The following INTS6 variants were observed in gnomAD, a reference collection of about 807,000 sequenced individuals.
The protein encoded by INTS6 is integrator complex subunit 6.
INTS6 carries 16 observed loss-of-function variants against 104.9 expected under a neutral mutation model. The ratio of observed to expected loss-of-function variants is 0.15; its 90% CI spans 0.10 to 0.23. The LOEUF is 0.23. INTS6 is among the 10% of genes least tolerant of loss of function. INTS6 has a pLI of 1.00. For synonymous variants in INTS6, 324 were observed against 358.7 expected (o/e 0.90, Z 1.09); for missense variants, 584 against 1,062.8 (o/e 0.55, Z 6.26).
At chr13:51,396,405 C>T (rs957027546) in intron 4 of INTS6, among the ~76,000 whole-genome samples, 1 of 152,102 alleles carries the variant, frequency 6.6e-6, no homozygotes, top group African/African-American at 2.4e-5. Context: ...TTCCCTTACA[C>T]CTGCTAAGTT....
intron 3 of INTS6, chr13:51,439,571 A>G (rs1952754246): frequency 6.6e-6 from 1 of 152,242 alleles, no homozygotes; most frequent in Admixed American, 6.5e-5. Context: ...CACGACAAAT[A>G]AAAGGAATTA....
At chr13:51,355,226 A>AGAG (rs1955461929) in intron 3 of INTS6, 1 of 525,742 alleles carries the variant, frequency 1.9e-6, no homozygotes, top group Non-Finnish European at 3.3e-6. Context: ...TTCTCATTTC[A>AGAG]GAGTCAACAT....
Position 51,387,558 on chromosome 13 carries a change from A to G in INTS6, c.740-18T>C, listed in dbSNP as rs905199359. 6.3e-7 allele frequency: 1 copy of G among 1,596,696 alleles called. No individual in the cohort carries two copies. The highest frequency in any genetic ancestry group is 2.3e-5 in the East Asian group (1 of 44,288). ...CTGCCCATCTATAGCAAAGAAATTA[A>G]GACAAAGAAAGCATATATCATAAGG... On this transcript the variant is annotated intron_variant, in intron 6 of 17. Coordinates refer to ENST00000311234, the MANE Select transcript of INTS6 (RefSeq NM_012141.3).
chr13:51,336,148 G>C, the INTS6 span, among the ~76,000 whole-genome samples: 1 of 152,194 alleles, frequency 6.6e-6, no homozygotes, highest in Admixed American at 6.5e-5. Flanking sequence ...TTCAAGTCTA[G>C]AGATCTTTGT....
chr13:51,392,976 G>A (rs776139586), intron 5 of INTS6, among the ~76,000 whole-genome samples: 1 of 151,870 alleles, frequency 6.6e-6, no homozygotes, highest in Non-Finnish European at 1.5e-5. Flanking sequence ...TATTATTTTG[G>A]CAATACAGAT....
chr13:51,370,985 C>T (rs893701713), intron 15 of INTS6, among the ~76,000 whole-genome samples: 1 of 152,170 alleles, frequency 6.6e-6, no homozygotes. Context: ...TGCTATCAAG[C>T]ACATCTGCCA....
At position 51,451,167 on chromosome 13, in the gene INTS6, C is replaced by A; in HGVS notation, c.197G>T (p.Trp66Leu). 6.4e-7 allele frequency: 1 copy of A among 1,554,958 alleles called. No individual in the cohort carries two copies. Residue 66 changes from tryptophan (W) to leucine (L), a missense_variant, in exon 3 of 18, where the codon TGG becomes TTG. By Grantham distance (61) the Trp-to-Leu change is moderately conservative. This residue lies in a region of INTS6 where 70 missense variants were observed against 190.3 expected (regional missense o/e 0.37). Transcript: ENST00000311234. The part of the protein sequence containing the change: ...EEPPYAIKAG[W>L]KENHATFMNE... ...CATAAACGTTGCATGGTTTTCTTTC[C>A]ATCCAGCCTGAAAAGAAAAATGTAA...
At chr13:51,335,475 A>G in the INTS6 span, among the ~76,000 whole-genome samples, 1 of 152,242 alleles carries the variant, frequency 6.6e-6, no homozygotes, top group Non-Finnish European at 1.5e-5. Context: ...TTGAAAAATA[A>G]AAGTGATGGG....
In INTS6 at chr13:51,363,726, C is replaced by G. The variant is rs1049461089; in HGVS notation, c.*2026G>C. 1.3e-5 allele frequency: 2 copies of G among 151,370 alleles called. No individual in the cohort carries two copies. The highest frequency in any genetic ancestry group is 4.2e-4 in the South Asian group (2 of 4,804). The allele number at this position is 151,370 out of a possible 1,614,324, so 9.4% of individuals were successfully genotyped here. A position where few individuals can be genotyped will look rare whatever the true frequency, so the allele number is the denominator to read the frequency against. On this transcript the variant is annotated 3_prime_UTR_variant, in exon 18 of 18. Coordinates refer to ENST00000311234, the MANE Select transcript of INTS6 (RefSeq NM_012141.3). Reference sequence around the variant, plus strand: ...AGCCTGAGGGAGATGAGATATTAACCTTTAGTTCTGATAGGTTTCAAACCC... The same window carrying G: ...AGCCTGAGGGAGATGAGATATTAACGTTTAGTTCTGATAGGTTTCAAACCC...
At chr13:51,381,361 A>G (rs970392515) in intron 10 of INTS6, among the ~76,000 whole-genome samples, 1 of 152,192 alleles carries the variant, frequency 6.6e-6, no homozygotes, top group Non-Finnish European at 1.5e-5. Flanking sequence ...ATCCCCTCAC[A>G]TATTAGCTAT....
intron 4 of INTS6, among the ~76,000 whole-genome samples, chr13:51,399,853 C>A (rs1000387424): frequency 1.3e-4 from 20 of 152,044 alleles, no homozygotes; most frequent in Admixed American, 3.9e-4. Flanking sequence ...AAGTCTTCTG[C>A]TTATTATTTT....
intron 15 of INTS6, 29 bp from the exon 16 acceptor site, chr13:51,369,339 A>ATTTAC: frequency 6.4e-7 from 1 of 1,572,032 alleles, no homozygotes; most frequent in Non-Finnish European, 8.6e-7. Flanking sequence ...GGAAAAAATT[A>ATTTAC]TGGGATCCAG....
rs756862238 is a variant in INTS6, at chr13:51,384,726, A to G, written c.895-985T>C. On this transcript the variant is annotated intron_variant, in intron 7 of 17. Coordinates refer to ENST00000311234, the MANE Select transcript of INTS6 (RefSeq NM_012141.3). ...AAAGACCTGGATAAACTGATATCAC[A>G]AATTCTAAGGCACTTACCAGAACAC... 35 of 456,452 alleles carry G rather than the reference A, an allele frequency of 7.7e-5. 1 individual carries two copies. Among genetic ancestry groups the G allele is most frequent in the Non-Finnish European group, 1.5e-4 (33 of 226,878 alleles). The allele number at this position is 456,452 out of a possible 1,614,324, so 28.3% of individuals were successfully genotyped here.
At chr13:51,377,427 C>A (rs1344943072) in intron 12 of INTS6, among the ~76,000 whole-genome samples, 1 of 152,094 alleles carries the variant, frequency 6.6e-6, no homozygotes, top group African/African-American at 2.4e-5. Flanking sequence ...CTCAACATCA[C>A]AAAGATTTTT....
intron 3 of INTS6, chr13:51,443,110 TAAATA>T (rs1952827929): frequency 6.6e-6 from 1 of 152,238 alleles, no homozygotes; most frequent in African/African-American, 2.4e-5. Context: ...AAAATGTTAT[TAAATA>T]ATATACAAAT....
At position 51,391,595 on chromosome 13, in the gene INTS6, A is replaced by T. The variant is rs192491888; in HGVS notation, c.614-2151T>A. On this transcript the variant is annotated intron_variant, in intron 5 of 17. Coordinates refer to ENST00000311234, the MANE Select transcript of INTS6 (RefSeq NM_012141.3). ...CTTTGTGCTAATGCATAAAGTTTCT[A>T]GGATCACTACTTGTATTTGTGAAAA... Among the ~76,000 whole-genome samples, 208 of 152,314 alleles carry T rather than the reference A, an allele frequency of 1.4e-3. 1 individual carries two copies. The highest frequency in any genetic ancestry group is 4.8e-3 in the African/African-American group (200 of 41,578).
chr13:51,384,588 C>T, intron 7 of INTS6: 1 of 456,136 alleles, frequency 2.2e-6, no homozygotes, highest in Non-Finnish European at 4.4e-6. Context: ...CCACAGGTTC[C>T]TCAGACACAA....
At chr13:51,451,401 C>T in intron 2 of INTS6, 2 of 320,834 alleles carry the variant, frequency 6.2e-6, no homozygotes, top group South Asian at 2.6e-4. Flanking sequence ...TACTTTATAA[C>T]TTCACTGACA....
chr13:51,375,351 C>CAAA lies in INTS6; in HGVS notation c.1730-558_1730-556dup, dbSNP rs34281256. Among the ~76,000 whole-genome samples the CAAA allele has an allele frequency of 9.6e-4, 116 of 120,848 alleles. 3 individuals are homozygous for CAAA. The East Asian group carries it at 0.02, about 21-fold the overall frequency. The allele number at this position is 120,848 out of a possible 152,430, so 79.3% of individuals were successfully genotyped here. Reference sequence around the variant, plus strand: ...TGGGCGACAGAGCAAGGCTCTGACTCAAAAAAAAAAAAAAAAAGTATGTGT... The same window carrying CAAA: ...TGGGCGACAGAGCAAGGCTCTGACTCAAAAAAAAAAAAAAAAAAAAGTATGTGT... On this transcript the variant is annotated intron_variant, in intron 13 of 17. Transcript: ENST00000311234.
Sources: gnomAD v4.1 joint callset for allele counts (sites outside exome capture counted in the v4.1 genomes callset) on GRCh38, gnomAD v4.1.1 for gene constraint, gnomAD v4.1.1 regional missense constraint, MANE v1.5 for transcripts, NCBI Gene and HGNC (gene_info 2026-07-23, HGNC 2026-07-21) for gene names.